The following FAM171A2 variants were observed in gnomAD, a reference collection of about 807,000 sequenced individuals.
The protein encoded by FAM171A2 is family with sequence similarity 171 member A2.
Under a neutral mutation model 34.2 loss-of-function variants are expected in FAM171A2, and 13 were observed. That is an observed-to-expected ratio of 0.38 (90% CI 0.25 to 0.60). The LOEUF (loss-of-function observed/expected upper bound fraction) is 0.60. Among genes scored for constraint, FAM171A2 ranks in the 20% least tolerant of loss-of-function variants. FAM171A2 has a pLI of 0.62. For missense variants in FAM171A2, 950 were observed against 1,180.7 expected (o/e 0.80, Z 2.86); for synonymous variants, 475 against 561.2 (o/e 0.85, Z 2.17).
intron 3 of FAM171A2, 176 bp downstream of exon 3, chr17:44,359,403 T>A: frequency 1.6e-6 from 1 of 613,902 alleles, no homozygotes; most frequent in East Asian, 2.8e-5. Context: ...TGTGATTTCT[T>A]ACTCCAATTT....
Position 44,354,689 on chromosome 17 carries a change from G to A in FAM171A2, c.1525C>T (p.Arg509Trp). Residue 509 changes from arginine (R) to tryptophan (W), a missense_variant, in exon 8 of 8, where the codon CGG (arginine) becomes TGG (tryptophan). Coordinates refer to ENST00000293443, the MANE Select transcript of FAM171A2 (RefSeq NM_198475.3). The surrounding 1 kb of genome is among the most constrained non-coding windows in gnomAD (Gnocchi z 5.8). The stretch of plus-strand genomic sequence containing the variant: ...CCCGCCTGGCCCAGCGACGGCGGCC[G>A]CGCCAGCTGGTCCACCGACTGCGAC... ...LLSQSVDQLARPPSLGQAGQL... is the reference protein window; with the variant it reads ...LLSQSVDQLAWPPSLGQAGQL... 1.5e-6 allele frequency: 2 copies of A among 1,332,860 alleles called. No individual in the cohort carries two copies. Among genetic ancestry groups the A allele is most frequent in the African/African-American group, 1.5e-5 (1 of 65,350 alleles). 82.6% of individuals were successfully genotyped at this position (1,332,860 alleles called of 1,614,324 possible).
chr17:44,354,133 T>G lies in FAM171A2; in HGVS notation c.2081A>C (p.Glu694Ala). ...GGGCCGGCGGCGCGCGGGCCGCGCC[T>G]CGTGGACATCTACGCCCGAGTCCAG... ...ASLDSGVDVHEARPARRRPAR... is the reference protein window; with the variant it reads ...ASLDSGVDVHAARPARRRPAR... Residue 694 changes from glutamate (E) to alanine (A), a missense_variant, in exon 8 of 8, where the codon GAG becomes GCG. Transcript: ENST00000293443. The surrounding 1 kb of genome is among the most constrained non-coding windows in gnomAD (Gnocchi z 5.8). 8.5e-7 allele frequency: 1 copy of G among 1,180,034 alleles called. No individual in the cohort carries two copies. The highest frequency in any genetic ancestry group is 1.6e-5 in the African/African-American group (1 of 61,442). 73.1% of individuals were successfully genotyped at this position (1,180,034 alleles called of 1,614,324 possible).
intron 3 of FAM171A2, among the ~76,000 whole-genome samples, chr17:44,356,849 G>A (rs961431784): frequency 9.2e-5 from 14 of 152,298 alleles, no homozygotes; most frequent in South Asian, 6.2e-4. Flanking sequence ...AAAATGTTGC[G>A]ATCCAGATCC....
At chr17:44,359,424 G>A in intron 3 of FAM171A2, 155 bp downstream of exon 3, 1 of 634,880 alleles carries the variant, frequency 1.6e-6, no homozygotes, top group Non-Finnish European at 2.9e-6. Flanking sequence ...GATGATGTAG[G>A]CACTAACCTT....
intron 1 of FAM171A2, 75 bp from the exon 2 acceptor site, chr17:44,360,207 A>T: frequency 7.9e-7 from 1 of 1,258,850 alleles, no homozygotes; most frequent in Non-Finnish European, 1.1e-6. Context: ...CCAAGATCAG[A>T]GGAAGGAGCT....
Position 44,355,262 on chromosome 17 carries a change from G to A in FAM171A2, c.1023-71C>T. The A allele has an allele frequency of 6.6e-7, 1 of 1,520,016 alleles. No individual in the cohort carries two copies. Among genetic ancestry groups the A allele is most frequent in the Non-Finnish European group, 8.8e-7 (1 of 1,136,340 alleles). The allele number at this position is 1,520,016 out of a possible 1,614,324, so 94.2% of individuals were successfully genotyped here. On this transcript the variant is annotated intron_variant, in intron 7 of 7. Coordinates refer to ENST00000293443, the MANE Select transcript of FAM171A2 (RefSeq NM_198475.3). This position sits in a 1 kb window ranked among gnomAD's most constrained non-coding sequence, Gnocchi z 4.1. ...CCAAAGTAGGCCCCGAACCCCCTTAGATGCAAGACAAGAGACGAATATAGT... is the reference window on the plus strand; with the variant it reads ...CCAAAGTAGGCCCCGAACCCCCTTAAATGCAAGACAAGAGACGAATATAGT...
chr17:44,359,718 C>T, intron 2 of FAM171A2, 47 bp from the exon 3 acceptor site: 1 of 1,476,750 alleles, frequency 6.8e-7, no homozygotes, highest in Non-Finnish European at 9.1e-7. Flanking sequence ...CACCCCCTAC[C>T]CCCCAGCCAG....
At chr17:44,363,535 G>A (rs961228879) in intron 1 of FAM171A2, 62 bp downstream of exon 1, 38 of 758,722 alleles carry the variant, frequency 5.0e-5, no homozygotes, top group Admixed American at 8.8e-5. Flanking sequence ...GGGGGCTGAC[G>A]GGCGGGAGCC....
chr17:44,353,639 G>C lies in FAM171A2; in HGVS notation c.*94C>G. The C allele has an allele frequency of 2.0e-6, 2 of 990,698 alleles. No individual in the cohort carries two copies. Among genetic ancestry groups the C allele is most frequent in the Non-Finnish European group, 2.6e-6 (2 of 783,460 alleles). The allele number at this position is 990,698 out of a possible 1,614,324, so 61.4% of individuals were successfully genotyped here. A position where few individuals can be genotyped will look rare whatever the true frequency, so the allele number is the denominator to read the frequency against. On this transcript the variant is annotated 3_prime_UTR_variant, in exon 8 of 8. Transcript: ENST00000293443. ...CTGGGCCCCTCTCCGGCCTGGGGCT[G>C]GGAGCTACGCGCGAGGGCCCCCGCG...
At position 44,359,607 on chromosome 17, in the gene FAM171A2, G is replaced by A. The variant is rs987458003; in HGVS notation, c.411C>T (p.Asp137=). The part of the protein sequence containing the change: ...ERPATLILYE[D]LVHILLGSPG... ...GAGAGCCTAGGAGAATGTGCACCAG[G>A]TCCTCATAGAGGATGAGCGTGGCCG... The change falls in exon 3 of 8, where the codon GAC becomes GAT. Residue 137 remains aspartate (D), a synonymous_variant. Coordinates refer to ENST00000293443, the MANE Select transcript of FAM171A2 (RefSeq NM_198475.3). The A allele has an allele frequency of 6.4e-7, 1 of 1,551,242 alleles. No individual in the cohort carries two copies. The highest frequency in any genetic ancestry group is 1.4e-5 in the African/African-American group (1 of 73,100).
chr17:44,353,450 T>G lies in FAM171A2; in HGVS notation c.*283A>C. ...CCTCCTGCTTTCCCACAATAGAGCT[T>G]TCTATGTACAGCCACGTCTACACAG... is the stretch of plus-strand genomic sequence containing the variant. On this transcript the variant is annotated 3_prime_UTR_variant, in exon 8 of 8. Transcript: ENST00000293443. The G allele has an allele frequency of 5.3e-6, 1 of 189,394 alleles. No homozygotes were observed. Among genetic ancestry groups the G allele is most frequent in the Non-Finnish European group, 1.1e-5 (1 of 92,632 alleles). 11.7% of individuals were successfully genotyped at this position (189,394 alleles called of 1,614,324 possible). A position where few individuals can be genotyped will look rare whatever the true frequency, so the allele number is the denominator to read the frequency against.
At position 44,354,696 on chromosome 17, in the gene FAM171A2, C is replaced by G. The variant is rs994511332; in HGVS notation, c.1518G>C (p.Gln506His). 3.6e-5 allele frequency: 48 copies of G among 1,334,988 alleles called. No individual in the cohort carries two copies. The highest frequency in any genetic ancestry group is 4.4e-5 in the Non-Finnish European group (46 of 1,041,152). 82.7% of individuals were successfully genotyped at this position (1,334,988 alleles called of 1,614,324 possible). A position where few individuals can be genotyped will look rare whatever the true frequency, so the allele number is the denominator to read the frequency against. Residue 506 changes from glutamine to histidine, a missense_variant, in exon 8 of 8, where the codon CAG becomes CAC. By Grantham distance (24) the Gln-to-His change is conservative. Around this residue, in one of 3 missense-constraint regions of FAM171A2, gnomAD observed 752 missense variants for 924.5 expected, o/e 0.81. Transcript: ENST00000293443. The surrounding 1 kb of genome is among the most constrained non-coding windows in gnomAD (Gnocchi z 5.8). ...GGCCCAGCGACGGCGGCCGCGCCAG[C>G]TGGTCCACCGACTGCGACAGCAGGA... ...PDFLLSQSVD[Q>H]LARPPSLGQA... is the part of the protein sequence containing the mutation.
intron 3 of FAM171A2, among the ~76,000 whole-genome samples, chr17:44,358,239 G>GCAGT (rs1437630964): frequency 1.3e-5 from 2 of 152,240 alleles, no homozygotes; most frequent in Non-Finnish European, 2.9e-5. Flanking sequence ...TCTGGAGGGT[G>GCAGT]CAGTCAGCTC....
At position 44,356,601 on chromosome 17, in the gene FAM171A2, A is replaced by T. The variant is rs114557859; in HGVS notation, c.440-13T>A. Reference sequence around the variant, plus strand: ...TGGGAGCGGGCACCTGGAGGGAAAGAGGGGCTGCAGTGGCTTGACCATGGA... The same window carrying T: ...TGGGAGCGGGCACCTGGAGGGAAAGTGGGGCTGCAGTGGCTTGACCATGGA... On this transcript the variant is annotated splice_polypyrimidine_tract_variant and intron_variant, in intron 3 of 7. Coordinates refer to ENST00000293443, the MANE Select transcript of FAM171A2 (RefSeq NM_198475.3). 313 of 1,533,830 alleles carry T rather than the reference A, an allele frequency of 2.0e-4. No homozygotes were observed. In the African/African-American group the frequency reaches 4.0e-3, roughly 20 times the overall value.
Position 44,354,342 on chromosome 17 carries a change from C to T in FAM171A2, c.1872G>A (p.Glu624=), listed in dbSNP as rs778539378. The stretch of plus-strand genomic sequence containing the variant: ...CCCCGTTGAGCTGCGCCATGGTGGA[C>T]TCGTTGAATAGCACAGGGATGGTGA... ...GSVTIPVLFN[E]STMAQLNGEL... The change falls in exon 8 of 8, where the codon GAG becomes GAA. Residue 624 remains glutamate (E), a synonymous_variant. Transcript: ENST00000293443. The surrounding 1 kb of genome is among the most constrained non-coding windows in gnomAD (Gnocchi z 5.8). 2.2e-5 allele frequency: 32 copies of T among 1,440,390 alleles called. No individual in the cohort carries two copies. The African/African-American group carries it at 4.3e-4, about 19-fold the overall frequency. The allele number at this position is 1,440,390 out of a possible 1,614,324, so 89.2% of individuals were successfully genotyped here.
chr17:44,359,711 C>A (rs768478364), intron 2 of FAM171A2, 40 bp from the exon 3 acceptor site: 2 of 1,499,782 alleles, frequency 1.3e-6, no homozygotes, highest in South Asian at 2.4e-5. Context: ...GAAAACCCAC[C>A]CCCTACCCCC....
intron 3 of FAM171A2, among the ~76,000 whole-genome samples, chr17:44,358,122 G>A (rs2048433068): frequency 6.6e-6 from 1 of 152,192 alleles, no homozygotes; most frequent in Non-Finnish European, 1.5e-5. Context: ...GCCCTGTGGA[G>A]TCTTGGAGGA....
chr17:44,363,510 C>A, intron 1 of FAM171A2, 87 bp downstream of exon 1: 1 of 560,970 alleles, frequency 1.8e-6, no homozygotes, highest in Non-Finnish European at 2.6e-6. Context: ...ACTCAATTCA[C>A]GAACGCCGCG....
chr17:44,355,935 G>T lies in FAM171A2; in HGVS notation c.895+23C>A. The T allele has an allele frequency of 6.5e-7, 1 of 1,540,518 alleles. No homozygotes were observed. Reference sequence around the variant, plus strand: ...AGCTCCCCTCCTCCGCGGCCTCTACGCCCACTGCCCCACTACTCTTACCAG... The same window carrying T: ...AGCTCCCCTCCTCCGCGGCCTCTACTCCCACTGCCCCACTACTCTTACCAG... On this transcript the variant is annotated intron_variant, in intron 6 of 7. Transcript: ENST00000293443. This position sits in a 1 kb window ranked among gnomAD's most constrained non-coding sequence, Gnocchi z 4.1.
Sources: gnomAD v4.1 joint callset for allele counts (sites outside exome capture counted in the v4.1 genomes callset) on GRCh38, gnomAD v4.1.1 for gene constraint, gnomAD v4.1.1 regional missense constraint, Gnocchi (gnomAD v3.1) non-coding constraint, MANE v1.5 for transcripts, NCBI Gene and HGNC (gene_info 2026-07-23, HGNC 2026-07-21) for gene names.